The following IGSF21 variants were observed in gnomAD, a reference collection of about 807,000 sequenced individuals.
IGSF21 encodes immunoglobulin superfamily member 21.
IGSF21 carries 28 observed loss-of-function variants against 46.8 expected under a neutral mutation model. The ratio of observed to expected loss-of-function variants is 0.60; its 90% CI spans 0.44 to 0.82. The LOEUF is 0.82. Ranked by LOEUF, IGSF21 falls within the 40% of genes least tolerant of loss-of-function variation. The pLI, the probability that IGSF21 is intolerant of heterozygous loss-of-function variation, is 0.00. For synonymous variants in IGSF21, 284 were observed against 273.6 expected, an observed-to-expected ratio of 1.04 and a Z score of -0.38; for missense variants, 624 against 665.5, an observed-to-expected ratio of 0.94 and a Z score of 0.69.
At position 18,359,336 on chromosome 1, in the gene IGSF21, GAAAAAGAAAGAA is replaced by G. The variant is rs1413466933; in HGVS notation, c.425-2777_425-2766del. Among the ~76,000 whole-genome samples the G allele has an allele frequency of 2.8e-3, 128 of 44,914 alleles. 7 individuals are homozygous for G. The highest frequency in any genetic ancestry group is 0.013 in the Middle Eastern group (1 of 76). 29.5% of individuals were successfully genotyped at this position (44,914 alleles called of 152,430 possible). ...AGAAAGAGAGAGAGAGAAAGAGAAA[GAAAAAGAAAGAA>G]AGAAAGAAAGAAAGAAAGAAAGAAA... is the stretch of plus-strand genomic sequence containing the variant. On this transcript the variant is annotated intron_variant, in intron 4 of 9. Coordinates refer to ENST00000251296, the MANE Select transcript of IGSF21 (RefSeq NM_032880.5).
chr1:18,121,650 C>A (rs1210010284), intron 1 of IGSF21, among the ~76,000 whole-genome samples: 1 of 152,218 alleles, frequency 6.6e-6, no homozygotes, highest in African/African-American at 2.4e-5. Context: ...CTGCCATCCT[C>A]CACCAGCCCT....
At chr1:18,285,916 G>T (rs971915801) in intron 2 of IGSF21, among the ~76,000 whole-genome samples, 11 of 152,126 alleles carry the variant, frequency 7.2e-5, no homozygotes, top group African/African-American at 2.7e-4. Flanking sequence ...TATTATTACC[G>T]CATGCCAAGC....
At chr1:18,361,899 T>C (rs2086104552) in intron 4 of IGSF21, 2 of 561,124 alleles carry the variant, frequency 3.6e-6, no homozygotes, top group Non-Finnish European at 6.4e-6. Context: ...TACACTAAAC[T>C]GTAAGCTCCA....
chr1:18,209,784 T>C (rs10752433), intron 1 of IGSF21, among the ~76,000 whole-genome samples: 122,025 of 152,006 alleles, frequency 0.8, 49,048 homozygotes, highest in East Asian at 0.87. Context: ...TTCTAAATGG[T>C]ACTGGACAGT....
At chr1:18,342,341 G>T (rs1050633204) in intron 4 of IGSF21, among the ~76,000 whole-genome samples, 1 of 152,016 alleles carries the variant, frequency 6.6e-6, no homozygotes, top group African/African-American at 2.4e-5. Context: ...TGATCCTCCC[G>T]CCTCGGCCCC....
chr1:18,365,712 G>C lies in IGSF21; in HGVS notation c.1015+15G>C. ...GGTCACGCTGGGTAAGACTTGGTGG[G>C]GGCCCTTCTGTAGAGCCCTTGCAGA... is the stretch of plus-strand genomic sequence containing the variant. On this transcript the variant is annotated intron_variant, in intron 6 of 9. Transcript: ENST00000251296. The surrounding 1 kb of genome is among the most constrained non-coding windows in gnomAD (Gnocchi z 4.8). The C allele has an allele frequency of 6.3e-7, 1 of 1,597,064 alleles. No homozygotes were observed. Among genetic ancestry groups the C allele is most frequent in the Non-Finnish European group, 8.6e-7 (1 of 1,168,752 alleles).
chr1:18,340,046 T>C (rs1173194823), intron 4 of IGSF21, among the ~76,000 whole-genome samples: 2 of 152,226 alleles, frequency 1.3e-5, no homozygotes, highest in Admixed American at 1.3e-4. Context: ...CATATCAGAA[T>C]GTCTTTTTTG....
At chr1:18,274,149 G>A (rs2085078213) in intron 2 of IGSF21, among the ~76,000 whole-genome samples, 2 of 152,226 alleles carry the variant, frequency 1.3e-5, no homozygotes, top group African/African-American at 4.8e-5. Flanking sequence ...GATACACGGT[G>A]TTGGGCAAAA....
At chr1:18,117,553 G>A (rs1256849357) in intron 1 of IGSF21, among the ~76,000 whole-genome samples, 1 of 152,212 alleles carries the variant, frequency 6.6e-6, no homozygotes, top group Non-Finnish European at 1.5e-5. Flanking sequence ...GTCTGGTGGG[G>A]GCTGCTGGGA....
intron 3 of IGSF21, among the ~76,000 whole-genome samples, chr1:18,314,822 C>G (rs2085524576): frequency 6.6e-6 from 1 of 152,090 alleles, no homozygotes; most frequent in African/African-American, 2.4e-5. Context: ...AACCTGGTTG[C>G]AGGGAGGAGG....
intron 2 of IGSF21, among the ~76,000 whole-genome samples, chr1:18,274,916 C>T (rs6666159): frequency 0.24 from 36,691 of 151,962 alleles, 4,846 homozygotes; most frequent in African/African-American, 0.36. Context: ...ATCCCAGCTA[C>T]TAGGGAAGGC....
chr1:18,283,189 C>G (rs752665744), intron 2 of IGSF21, among the ~76,000 whole-genome samples: 2 of 152,178 alleles, frequency 1.3e-5, no homozygotes, highest in Non-Finnish European at 2.9e-5. Context: ...TGCCATCGCA[C>G]GGTAACCGGA....
At chr1:18,161,463 C>T (rs2086621956) in intron 1 of IGSF21, among the ~76,000 whole-genome samples, 2 of 152,096 alleles carry the variant, frequency 1.3e-5, no homozygotes, top group Non-Finnish European at 2.9e-5. Flanking sequence ...CAGAACTCTA[C>T]CCAGGCCACC....
chr1:18,118,814 C>T (rs2086209289), intron 1 of IGSF21, among the ~76,000 whole-genome samples: 2 of 152,078 alleles, frequency 1.3e-5, no homozygotes, highest in Admixed American at 6.5e-5. Context: ...GTTAGTCATT[C>T]CCAGGCCAGT....
At chr1:18,262,371 T>C (rs2084954529) in intron 2 of IGSF21, among the ~76,000 whole-genome samples, 1 of 152,200 alleles carries the variant, frequency 6.6e-6, no homozygotes, top group African/African-American at 2.4e-5. Context: ...GGATGAACAC[T>C]GTGGCATCTG....
chr1:18,156,005 C>G (rs893186467), intron 1 of IGSF21, among the ~76,000 whole-genome samples: 4 of 152,232 alleles, frequency 2.6e-5, no homozygotes, highest in Non-Finnish European at 5.9e-5. Context: ...TATGATGTGC[C>G]ACCGGCCTGG....
chr1:18,140,563 A>T (rs1458023947), intron 1 of IGSF21, among the ~76,000 whole-genome samples: 1 of 152,154 alleles, frequency 6.6e-6, no homozygotes, highest in Non-Finnish European at 1.5e-5. Context: ...GGGCACTCCC[A>T]CATCGTGGCT....
chr1:18,188,485 G>A (rs1169061700), intron 1 of IGSF21, among the ~76,000 whole-genome samples: 1 of 152,142 alleles, frequency 6.6e-6, no homozygotes, highest in Non-Finnish European at 1.5e-5. Context: ...TCCTCACAAA[G>A]TAAAATATAA....
In IGSF21 at chr1:18,365,115, T is replaced by C; in HGVS notation, c.541-108T>C. ...GGGTGAGGGCTACTGTCTAGACTACTATGCTCTGGAAGAACTGGCATCCTG... is the reference window on the plus strand; with the variant it reads ...GGGTGAGGGCTACTGTCTAGACTACCATGCTCTGGAAGAACTGGCATCCTG... On this transcript the variant is annotated intron_variant, in intron 5 of 9. Coordinates refer to ENST00000251296, the MANE Select transcript of IGSF21 (RefSeq NM_032880.5). This position sits in a 1 kb window ranked among gnomAD's most constrained non-coding sequence, Gnocchi z 4.8. The C allele has an allele frequency of 1.2e-6, 1 of 816,264 alleles. No homozygotes were observed. The highest frequency in any genetic ancestry group is 2.2e-5 in the Admixed American group (1 of 45,542). 50.6% of individuals were successfully genotyped at this position (816,264 alleles called of 1,614,324 possible).
Sources: allele counts gnomAD v4.1 joint callset (sites outside exome capture counted in the v4.1 genomes callset), GRCh38; gene constraint gnomAD v4.1.1; non-coding constraint Gnocchi (gnomAD v3.1); transcripts MANE v1.5; gene names NCBI Gene and HGNC (gene_info 2026-07-23, HGNC 2026-07-21).